FRG2B: variants seen among roughly 807,000 people sequenced by gnomAD.
The protein encoded by FRG2B is FSHD region gene 2 family member B.
For synonymous variants in FRG2B, 33 were observed against 117.1 expected (o/e 0.28, Z 4.64); for missense variants, 95 against 310.7 (o/e 0.31, Z 5.22).
At chr10:133,626,455 A>T (rs1486358104) in intron 1 of FRG2B, 110 bp downstream of exon 1, 5 of 1,292,212 alleles carry the variant, frequency 3.9e-6, no homozygotes, top group Non-Finnish European at 5.3e-6. Context: ...GAGGGCACTA[A>T]GCCATTTCCC....
In FRG2B at chr10:133,623,971, C is replaced by A. The variant is rs1484835791; in HGVS notation, c.*1128G>T. On this transcript the variant is annotated 3_prime_UTR_variant, in exon 4 of 4. Coordinates refer to ENST00000425520, the MANE Select transcript of FRG2B (RefSeq NM_001080998.2). ...AAATTCCAAACAACATTGTTTATTT[C>A]ATTACATAAAATGAAAATTATAAAG... 7.0e-6 allele frequency: 1 copy of A among 143,870 alleles called. No homozygotes were observed. Among genetic ancestry groups the A allele is most frequent in the Admixed American group, 7.2e-5 (1 of 13,964 alleles). 8.9% of individuals were successfully genotyped at this position (143,870 alleles called of 1,614,324 possible). A position where few individuals can be genotyped will look rare whatever the true frequency, so the allele number is the denominator to read the frequency against.
Position 133,625,211 on chromosome 10 carries a change from AC to A in FRG2B, c.724del (p.Val242SerfsTer25), listed in dbSNP as rs1852488272. The A allele has an allele frequency of 6.5e-7, 1 of 1,550,222 alleles. No individual in the cohort carries two copies. Among genetic ancestry groups the A allele is most frequent in the Admixed American group, 1.9e-5 (1 of 52,852 alleles). ...AYVFPAESWL[V>X]PATLPGPGES... ...CCCAGGACCTGGCAGTGTGGCTGGG[AC>A]AAGCCAGCTCTCAGCAGGGAAGACA... On this transcript the variant is annotated frameshift_variant, in exon 4 of 4. Transcript: ENST00000425520. LOFTEE classifies it low-confidence loss of function (END_TRUNC).
In FRG2B at chr10:133,625,496, C is replaced by A; in HGVS notation, c.440G>T (p.Gly147Val). ...GCGCCCAGTGCAAGCCCTGGAACGT[C>A]CCCTATGGTGGGCATCACAGGTCTC... ...IQETCDAHHRGRSRACTGRSK... is the reference protein window; with the variant it reads ...IQETCDAHHRVRSRACTGRSK... The change falls in exon 4 of 4, where the codon GGA becomes GTA. Residue 147 changes from glycine to valine, a missense_variant. Transcript: ENST00000425520. 6.2e-7 allele frequency: 1 copy of A among 1,611,368 alleles called. No homozygotes were observed. The highest frequency in any genetic ancestry group is 8.5e-7 in the Non-Finnish European group (1 of 1,179,262).
Position 133,625,425 on chromosome 10 carries a change from T to C in FRG2B, c.511A>G (p.Ile171Val). The C allele has an allele frequency of 1.3e-6, 2 of 1,522,904 alleles. No individual in the cohort carries two copies. Among genetic ancestry groups the C allele is most frequent in the Non-Finnish European group, 1.8e-6 (2 of 1,116,952 alleles). 94.3% of individuals were successfully genotyped at this position (1,522,904 alleles called of 1,614,324 possible). Residue 171 changes from isoleucine (I) to valine (V), a missense_variant, in exon 4 of 4, where the codon ATT (isoleucine) becomes GTT (valine). Ile to Val is a conservative substitution (Grantham distance 29). Coordinates refer to ENST00000425520, the MANE Select transcript of FRG2B (RefSeq NM_001080998.2). ...SRALGVQTPS[I>V]RKSLVTSVRA... ...ACAGAGGTCACCAAGCTTTTTCGAA[T>C]TGACGGTGTTTGGACTCCTAGGGCC...
At chr10:133,625,634 A>G in intron 3 of FRG2B, 30 bp from the exon 4 acceptor site, 1 of 1,263,836 alleles carries the variant, frequency 7.9e-7, no homozygotes, top group Non-Finnish European at 1.1e-6. Context: ...GAGACTCACC[A>G]GAGCAGTCCC....
chr10:133,625,464 G>C lies in FRG2B; in HGVS notation c.472C>G (p.Arg158Gly). 1.9e-6 allele frequency: 3 copies of C among 1,611,850 alleles called. No individual in the cohort carries two copies. Among genetic ancestry groups the C allele is most frequent in the Non-Finnish European group, 2.5e-6 (3 of 1,179,424 alleles). Residue 158 changes from arginine to glycine, a missense_variant, in exon 4 of 4, where the codon CGG becomes GGG. Coordinates refer to ENST00000425520, the MANE Select transcript of FRG2B (RefSeq NM_001080998.2). ...ACTCCTAGGGCCCGAGACCTATGCC[G>C]CTTGCTGCGCCCAGTGCAAGCCCTG... is the stretch of plus-strand genomic sequence containing the variant. ...RSRACTGRSK[R>G]HRSRALGVQT...
Position 133,625,459 on chromosome 10 carries a change from A to G in FRG2B, c.477T>C (p.His159=). 6.2e-7 allele frequency: 1 copy of G among 1,611,834 alleles called. No individual in the cohort carries two copies. The highest frequency in any genetic ancestry group is 8.5e-7 in the Non-Finnish European group (1 of 1,179,432). Reference sequence around the variant, plus strand: ...TTTGGACTCCTAGGGCCCGAGACCTATGCCGCTTGCTGCGCCCAGTGCAAG... The same window carrying G: ...TTTGGACTCCTAGGGCCCGAGACCTGTGCCGCTTGCTGCGCCCAGTGCAAG... The part of the protein sequence containing the change: ...SRACTGRSKR[H]RSRALGVQTP... Residue 159 remains histidine (H), a synonymous_variant, in exon 4 of 4, where the codon CAT becomes CAC. Coordinates refer to ENST00000425520, the MANE Select transcript of FRG2B (RefSeq NM_001080998.2).
In FRG2B at chr10:133,625,442, C is replaced by T. The variant is rs768000811; in HGVS notation, c.494G>A (p.Gly165Glu). Residue 165 changes from glycine (G) to glutamate (E), a missense_variant, in exon 4 of 4, where the codon GGA (glycine) becomes GAA (glutamate). Physicochemically the swap from Gly to Glu is moderately conservative, Grantham distance 98. Coordinates refer to ENST00000425520, the MANE Select transcript of FRG2B (RefSeq NM_001080998.2). ...TTTTCGAATTGACGGTGTTTGGACT[C>T]CTAGGGCCCGAGACCTATGCCGCTT... ...RSKRHRSRAL[G>E]VQTPSIRKSL... is the part of the protein sequence containing the mutation. The T allele has an allele frequency of 2.5e-6, 4 of 1,611,200 alleles. No individual in the cohort carries two copies. The highest frequency in any genetic ancestry group is 3.3e-5 in the Admixed American group (2 of 59,850).
At position 133,625,378 on chromosome 10, in the gene FRG2B, A is replaced by C. The variant is rs1411689883; in HGVS notation, c.558T>G (p.Val186=). ...CCCACACCTGGGCTAGGTCTTGATA[A>C]ACAGCCTCTGACATAGCTCGCACAG... The part of the protein sequence containing the change: ...VTSVRAMSEA[V]YQDLAQVWAQ... The change falls in exon 4 of 4, where the codon GTT becomes GTG. Residue 186 remains valine, a synonymous_variant. Coordinates refer to ENST00000425520, the MANE Select transcript of FRG2B (RefSeq NM_001080998.2). 6.2e-7 allele frequency: 1 copy of C among 1,606,192 alleles called. No individual in the cohort carries two copies. Among genetic ancestry groups the C allele is most frequent in the South Asian group, 1.1e-5 (1 of 89,126 alleles).
At position 133,625,964 on chromosome 10, in the gene FRG2B, T is replaced by G; in HGVS notation, c.289A>C (p.Lys97Gln). The G allele has an allele frequency of 6.6e-7, 1 of 1,520,082 alleles. No individual in the cohort carries two copies. The highest frequency in any genetic ancestry group is 8.9e-7 in the Non-Finnish European group (1 of 1,118,220). The allele number at this position is 1,520,082 out of a possible 1,614,324, so 94.2% of individuals were successfully genotyped here. A position where few individuals can be genotyped will look rare whatever the true frequency, so the allele number is the denominator to read the frequency against. The change falls in exon 3 of 4, where the codon AAA becomes CAA. Residue 97 changes from lysine to glutamine, a missense_variant. Lys to Gln is a moderately conservative substitution (Grantham distance 53, BLOSUM62 1). Transcript: ENST00000425520. ...ESSSYRENCRKRKMSSKDSCQ... is the reference protein window; with the variant it reads ...ESSSYRENCRQRKMSSKDSCQ... ...CTGTCCTTGGAACTCATTTTTCTTT[T>G]CCTGCAGTTTTCCCGATATGAGCTG...
rs746942614 is a variant in FRG2B at position 133,625,472 on chromosome 10, C to T, written c.464G>A (p.Arg155His). Residue 155 changes from arginine (R) to histidine (H), a missense_variant, in exon 4 of 4, where the codon CGC becomes CAC. Physicochemically the swap from Arg to His is conservative, Grantham distance 29. Transcript: ENST00000425520. Reference sequence around the variant, plus strand: ...GGCCCGAGACCTATGCCGCTTGCTGCGCCCAGTGCAAGCCCTGGAACGTCC... The same window carrying T: ...GGCCCGAGACCTATGCCGCTTGCTGTGCCCAGTGCAAGCCCTGGAACGTCC... ...HRGRSRACTG[R>H]SKRHRSRALG... The T allele has an allele frequency of 1.1e-5, 18 of 1,611,718 alleles. No homozygotes were observed. The highest frequency in any genetic ancestry group is 4.0e-5 in the African/African-American group (3 of 74,338).
In FRG2B at chr10:133,625,464, G is replaced by A. The variant is rs752252604; in HGVS notation, c.472C>T (p.Arg158Trp). Residue 158 changes from arginine to tryptophan, a missense_variant, in exon 4 of 4, where the codon CGG becomes TGG. Coordinates refer to ENST00000425520, the MANE Select transcript of FRG2B (RefSeq NM_001080998.2). ...ACTCCTAGGGCCCGAGACCTATGCC[G>A]CTTGCTGCGCCCAGTGCAAGCCCTG... ...RSRACTGRSK[R>W]HRSRALGVQT... is the part of the protein sequence containing the mutation. The A allele has an allele frequency of 3.6e-5, 58 of 1,611,724 alleles. No individual in the cohort carries two copies. The highest frequency in any genetic ancestry group is 4.7e-5 in the Non-Finnish European group (55 of 1,179,432).
In FRG2B at chr10:133,625,583, C is replaced by T. The variant is rs1184475816; in HGVS notation, c.353G>A (p.Cys118Tyr). The T allele has an allele frequency of 1.3e-6, 2 of 1,578,016 alleles. No homozygotes were observed. The highest frequency in any genetic ancestry group is 1.7e-6 in the Non-Finnish European group (2 of 1,164,058). ...DTAGNCPEKE[C>Y]SLSLNKKSRS... ...TGATTTTTTATTCAATGACAAGCTG[C>T]ACTCCTTTTCTGGACAGTTCCCTGC... Residue 118 changes from cysteine (C) to tyrosine (Y), a missense_variant, in exon 4 of 4, where the codon TGC (cysteine) becomes TAC (tyrosine). By Grantham distance (194) the Cys-to-Tyr change is radical (BLOSUM62 -2). Transcript: ENST00000425520.
rs748200553 is a variant in FRG2B at position 133,625,490 on chromosome 10, G to A, written c.446C>T (p.Ser149Phe). The change falls in exon 4 of 4, where the codon TCC becomes TTC. Residue 149 changes from serine to phenylalanine, a missense_variant. By Grantham distance (155) the Ser-to-Phe change is radical. Coordinates refer to ENST00000425520, the MANE Select transcript of FRG2B (RefSeq NM_001080998.2). ...ETCDAHHRGRSRACTGRSKRH... is the reference protein window; with the variant it reads ...ETCDAHHRGRFRACTGRSKRH... ...CTTGCTGCGCCCAGTGCAAGCCCTGGAACGTCCCCTATGGTGGGCATCACA... is the reference window on the plus strand; with the variant it reads ...CTTGCTGCGCCCAGTGCAAGCCCTGAAACGTCCCCTATGGTGGGCATCACA... 1.9e-6 allele frequency: 3 copies of A among 1,611,438 alleles called. No individual in the cohort carries two copies. The highest frequency in any genetic ancestry group is 2.5e-6 in the Non-Finnish European group (3 of 1,179,354).
chr10:133,625,621 T>G lies in FRG2B; in HGVS notation c.332-17A>C, dbSNP rs535869610. The G allele has an allele frequency of 6.4e-7, 1 of 1,569,516 alleles. No homozygotes were observed. The highest frequency in any genetic ancestry group is 1.4e-5 in the African/African-American group (1 of 72,144). On this transcript the variant is annotated splice_polypyrimidine_tract_variant and intron_variant, in intron 3 of 3. Coordinates refer to ENST00000425520, the MANE Select transcript of FRG2B (RefSeq NM_001080998.2). ...GACAGTTCCCTGCAAAGAAAGCATGTGAGAGACTCACCAGAGCAGTCCCCA... is the reference window on the plus strand; with the variant it reads ...GACAGTTCCCTGCAAAGAAAGCATGGGAGAGACTCACCAGAGCAGTCCCCA...
Position 133,624,272 on chromosome 10 carries a change from A to G in FRG2B, c.*827T>C, listed in dbSNP as rs1852480742. Reference sequence around the variant, plus strand: ...CTTGACTTAAATTTTATGTAGAAATATTAAAAGTAAACAGCTTGCATAGTA... The same window carrying G: ...CTTGACTTAAATTTTATGTAGAAATGTTAAAAGTAAACAGCTTGCATAGTA... On this transcript the variant is annotated 3_prime_UTR_variant, in exon 4 of 4. Transcript: ENST00000425520. 1.0e-5 allele frequency: 1 copy of G among 96,184 alleles called. No homozygotes were observed. 6.0% of individuals were successfully genotyped at this position (96,184 alleles called of 1,614,324 possible).
In FRG2B at chr10:133,623,927, TC is replaced by T. The variant is rs1164861291; in HGVS notation, c.*1171del. On this transcript the variant is annotated 3_prime_UTR_variant, in exon 4 of 4. Coordinates refer to ENST00000425520, the MANE Select transcript of FRG2B (RefSeq NM_001080998.2). ...TTTCACATTTTTATTAAATACAAAT[TC>T]CATATGAAAGAAATTTAAAATTCCA... The T allele has an allele frequency of 6.6e-6, 1 of 150,570 alleles. No homozygotes were observed. Among genetic ancestry groups the T allele is most frequent in the Non-Finnish European group, 1.5e-5 (1 of 67,932 alleles). 9.3% of individuals were successfully genotyped at this position (150,570 alleles called of 1,614,324 possible). A position where few individuals can be genotyped will look rare whatever the true frequency, so the allele number is the denominator to read the frequency against.
Position 133,625,360 on chromosome 10 carries a change from C to G in FRG2B, c.576G>C (p.Gln192His). 1.2e-6 allele frequency: 2 copies of G among 1,604,286 alleles called. No homozygotes were observed. The highest frequency in any genetic ancestry group is 1.7e-6 in the Non-Finnish European group (2 of 1,177,502). The change falls in exon 4 of 4, where the codon CAG (glutamine) becomes CAC (histidine). Residue 192 changes from glutamine to histidine, a missense_variant. By Grantham distance (24) the Gln-to-His change is conservative. Coordinates refer to ENST00000425520, the MANE Select transcript of FRG2B (RefSeq NM_001080998.2). Reference protein sequence around the residue: ...MSEAVYQDLAQVWAQQIHSPL... With the variant: ...MSEAVYQDLAHVWAQQIHSPL... Reference sequence around the variant, plus strand: ...GAGAATGGATCTGCTGTGCCCACACCTGGGCTAGGTCTTGATAAACAGCCT... The same window carrying G: ...GAGAATGGATCTGCTGTGCCCACACGTGGGCTAGGTCTTGATAAACAGCCT...
In FRG2B at chr10:133,623,920, T is replaced by A. The variant is rs1313114911; in HGVS notation, c.*1179A>T. 3.3e-5 allele frequency: 5 copies of A among 150,982 alleles called. No individual in the cohort carries two copies. 9.4% of individuals were successfully genotyped at this position (150,982 alleles called of 1,614,324 possible). On this transcript the variant is annotated 3_prime_UTR_variant, in exon 4 of 4. Coordinates refer to ENST00000425520, the MANE Select transcript of FRG2B (RefSeq NM_001080998.2). ...TTCTCTTTTTCACATTTTTATTAAA[T>A]ACAAATTCCATATGAAAGAAATTTA... is the stretch of plus-strand genomic sequence containing the variant.
Sources: allele counts gnomAD v4.1 joint callset, GRCh38; gene constraint gnomAD v4.1.1; transcripts MANE v1.5; gene names NCBI Gene and HGNC (gene_info 2026-07-23, HGNC 2026-07-21).